Variants in INSC observed in about 807,000 individuals in gnomAD.
INSC encodes the protein INSC spindle orientation adaptor protein.
A neutral mutation model predicts 58.6 loss-of-function variants in INSC; 67 were observed. The observed-to-expected ratio is 1.14, with a 90% confidence interval of 0.94 to 1.40. The LOEUF (loss-of-function observed/expected upper bound fraction) is 1.40, where lower values mean the gene tolerates loss of function less well. Among genes scored for constraint, INSC ranks in the 40% most tolerant of loss-of-function variants. INSC has a pLI of 0.00. For synonymous variants in INSC, 262 were observed against 276.1 expected (o/e 0.95, Z 0.51); for missense variants, 714 against 692.0 (o/e 1.03, Z -0.36).
At chr11:15,252,790 T>G in the INSC span, among the ~76,000 whole-genome samples, 1 of 152,198 alleles carries the variant, frequency 6.6e-6, no homozygotes, top group African/African-American at 2.4e-5. Context: ...AGACATATTT[T>G]AAAACCACCA....
At chr11:15,248,169 T>G (rs565928623), downstream of INSC, among the ~76,000 whole-genome samples, 15 of 152,338 alleles carry the variant, frequency 9.8e-5, no homozygotes, top group East Asian at 2.9e-3. Flanking sequence ...TCACTCAGAA[T>G]AGTTAAAATG....
chr11:15,179,844 T>G (rs1187507477), intron 5 of INSC, among the ~76,000 whole-genome samples: 1 of 152,136 alleles, frequency 6.6e-6, no homozygotes, highest in Non-Finnish European at 1.5e-5. Flanking sequence ...CAAGAAATAT[T>G]GGAGTTAGTG....
At chr11:15,207,179 G>A (rs902119773) in intron 7 of INSC, among the ~76,000 whole-genome samples, 6 of 152,178 alleles carry the variant, frequency 3.9e-5, no homozygotes, top group Non-Finnish European at 8.8e-5. Context: ...GCCAAAAGGA[G>A]TGGGGGGCAC....
chr11:15,126,260 G>A (rs192171469), intron 1 of INSC, among the ~76,000 whole-genome samples: 1 of 152,326 alleles, frequency 6.6e-6, no homozygotes, highest in East Asian at 1.9e-4. Context: ...TAGGCCAGCA[G>A]GAATGCTGAG....
At chr11:15,161,937 G>C (rs1003906581) in intron 2 of INSC, among the ~76,000 whole-genome samples, 1 of 152,330 alleles carries the variant, frequency 6.6e-6, no homozygotes, top group African/African-American at 2.4e-5. Context: ...ATGCTGTAAA[G>C]TATTTATAGC....
chr11:15,178,187 T>G (rs1218436038), intron 4 of INSC, 137 bp from the exon 5 acceptor site: 2 of 1,177,016 alleles, frequency 1.7e-6, no homozygotes, highest in Non-Finnish European at 2.4e-6. Flanking sequence ...CTGTGGAATA[T>G]TCCATCTCTG....
intron 6 of INSC, among the ~76,000 whole-genome samples, chr11:15,198,553 T>C (rs1389278999): frequency 6.6e-6 from 1 of 152,180 alleles, no homozygotes; most frequent in Non-Finnish European, 1.5e-5. Flanking sequence ...GCTTCAGATG[T>C]AAATGTCTCT....
the INSC span, among the ~76,000 whole-genome samples, chr11:15,260,175 T>C: frequency 6.7e-6 from 1 of 149,260 alleles, no homozygotes; most frequent in Admixed American, 6.6e-5. Flanking sequence ...CTGTTTTTTG[T>C]TTTTTTTGTT....
chr11:15,208,894 T>A (rs1370667053), intron 7 of INSC, among the ~76,000 whole-genome samples: 1 of 152,054 alleles, frequency 6.6e-6, no homozygotes, highest in East Asian at 1.9e-4. Context: ...TGGTGGTCTC[T>A]GGGCTCCAGG....
intron 10 of INSC, among the ~76,000 whole-genome samples, chr11:15,238,509 C>T (rs1852216898): frequency 6.6e-6 from 1 of 152,104 alleles, no homozygotes; most frequent in Non-Finnish European, 1.5e-5. Context: ...ATAGCGGCTC[C>T]CCCAACTGCT....
intron 6 of INSC, among the ~76,000 whole-genome samples, chr11:15,196,828 G>A (rs1461636780): frequency 6.6e-6 from 1 of 152,176 alleles, no homozygotes; most frequent in Non-Finnish European, 1.5e-5. Context: ...TCCAGGTGAG[G>A]GAGCTAAGAC....
At position 15,176,048 on chromosome 11, in the gene INSC, A is replaced by C; in HGVS notation, c.364A>C (p.Ser122Arg). The C allele has an allele frequency of 6.5e-7, 1 of 1,550,044 alleles. No individual in the cohort carries two copies. The highest frequency in any genetic ancestry group is 1.2e-5 in the South Asian group (1 of 85,362). Residue 122 changes from serine to arginine, a missense_variant, in exon 3 of 13, where the codon AGT becomes CGT. Coordinates refer to ENST00000379556, the MANE Select transcript of INSC (RefSeq NM_001042536.3). ...TGCCCGCTCCATGGTCAGCGAGTAC[A>C]GTGCTGTCAGCAGGAACTCCTTGAA... Reference protein sequence around the residue: ...CHARSMVSEYSAVSRNSLKEM... With the variant: ...CHARSMVSEYRAVSRNSLKEM...
upstream of INSC, among the ~76,000 whole-genome samples, chr11:15,113,109 TTC>T (rs757095095): frequency 2.3e-3 from 173 of 75,146 alleles, 2 homozygotes; most frequent in African/African-American, 4.7e-3. Flanking sequence ...TTTCTTTCTT[TTC>T]TCTCTCTCTC....
intron 9 of INSC, 40 bp from the exon 10 acceptor site, chr11:15,235,562 G>C (rs1288767551): frequency 6.6e-6 from 10 of 1,504,280 alleles, no homozygotes; most frequent in Non-Finnish European, 8.3e-6. Flanking sequence ...TTAGGATCAG[G>C]TGTGCTCATT....
intron 12 of INSC, 136 bp from the exon 13 acceptor site, chr11:15,245,776 C>A: frequency 1.8e-6 from 2 of 1,137,596 alleles, no homozygotes; most frequent in Non-Finnish European, 2.5e-6. Flanking sequence ...TGCCAAGTGG[C>A]TAACATGATG....
intron 1 of INSC, among the ~76,000 whole-genome samples, chr11:15,137,672 A>G (rs1848277135): frequency 6.6e-6 from 1 of 152,166 alleles, no homozygotes. Flanking sequence ...CCTTAATAGA[A>G]TGAGATTGTT....
At chr11:15,176,401 G>A (rs950051019) in intron 3 of INSC, among the ~76,000 whole-genome samples, 5 of 151,958 alleles carry the variant, frequency 3.3e-5, no homozygotes, top group Admixed American at 6.6e-5. Context: ...TGAAATGTTA[G>A]CTCTGCTATG....
the INSC span, among the ~76,000 whole-genome samples, chr11:15,254,663 T>C: frequency 6.6e-6 from 1 of 152,172 alleles, no homozygotes; most frequent in Non-Finnish European, 1.5e-5. Flanking sequence ...TAGCACCTAA[T>C]GGCAAGTGCT....
chr11:15,222,299 G>A (rs537965972), intron 8 of INSC, among the ~76,000 whole-genome samples: 1,703 of 152,256 alleles, frequency 0.011, 9 homozygotes, highest in Non-Finnish European at 0.016. Context: ...AATTTTTTGT[G>A]ACCCACCTCT....
Sources: allele counts gnomAD v4.1 joint callset (sites outside exome capture counted in the v4.1 genomes callset), GRCh38; gene constraint gnomAD v4.1.1; transcripts MANE v1.5; gene names NCBI Gene and HGNC (gene_info 2026-07-23, HGNC 2026-07-21).